Variants in ZNF423 observed in about 807,000 individuals in gnomAD.
ZNF423 encodes the protein Ebf-associated zinc finger protein.
A neutral mutation model predicts 95.8 loss-of-function variants in ZNF423; 12 were observed. The observed-to-expected ratio is 0.13, with a 90% confidence interval of 0.08 to 0.20. The LOEUF (loss-of-function observed/expected upper bound fraction) is 0.20, where lower values mean the gene tolerates loss of function less well. ZNF423 is among the 10% of genes least tolerant of loss of function. The pLI is 1.00. For missense variants in ZNF423, 1,316 were observed against 1,737.1 expected, an observed-to-expected ratio of 0.76 and a Z score of 4.31; for synonymous variants, 749 against 711.9, an observed-to-expected ratio of 1.05 and a Z score of -0.83.
At chr16:49,830,467 T>C (rs543519893) in intron 1 of ZNF423, among the ~76,000 whole-genome samples, 2 of 152,210 alleles carry the variant, frequency 1.3e-5, no homozygotes, top group East Asian at 1.9e-4. Context: ...TGCTTGAACA[T>C]CCCCAGATTC....
At chr16:49,793,801 T>G (rs958714727) in intron 1 of ZNF423, among the ~76,000 whole-genome samples, 3 of 152,038 alleles carry the variant, frequency 2.0e-5, no homozygotes, top group Non-Finnish European at 4.4e-5. Flanking sequence ...AAGGAGGGCA[T>G]GCAGGGTGGA....
At chr16:49,688,477 G>A (rs1328345790) in intron 3 of ZNF423, among the ~76,000 whole-genome samples, 1 of 152,162 alleles carries the variant, frequency 6.6e-6, no homozygotes, top group Non-Finnish European at 1.5e-5. Context: ...CCCGAGTGAC[G>A]GGAACCTTCA....
chr16:49,765,573 A>C (rs904119840), intron 2 of ZNF423, among the ~76,000 whole-genome samples: 3 of 151,812 alleles, frequency 2.0e-5, no homozygotes, highest in African/African-American at 4.8e-5. Context: ...AATATTAATT[A>C]GCTGGACATT....
chr16:49,670,783 GT>G (rs2030770661), intron 3 of ZNF423, among the ~76,000 whole-genome samples: 1 of 152,204 alleles, frequency 6.6e-6, no homozygotes, highest in Admixed American at 6.5e-5. Flanking sequence ...TAATTGCTGG[GT>G]TTTACAACCC....
chr16:49,504,158 GT>G (rs1323284926), intron 7 of ZNF423, among the ~76,000 whole-genome samples: 37 of 152,342 alleles, frequency 2.4e-4, no homozygotes, highest in African/African-American at 8.9e-4. Context: ...AGATGAAAAA[GT>G]TCTGGAGGTA....
intron 5 of ZNF423, among the ~76,000 whole-genome samples, chr16:49,581,502 T>G (rs1458370031): frequency 1.3e-5 from 2 of 152,216 alleles, no homozygotes; most frequent in Non-Finnish European, 2.9e-5. Context: ...GTTATAGGCA[T>G]TAACAGTTTT....
At chr16:49,515,417 G>T (rs1357743912) in intron 7 of ZNF423, among the ~76,000 whole-genome samples, 1 of 152,242 alleles carries the variant, frequency 6.6e-6, no homozygotes, top group Non-Finnish European at 1.5e-5. Context: ...CATATAAATG[G>T]CAATTTATTT....
chr16:49,632,013 A>T (rs1972521134), intron 4 of ZNF423, among the ~76,000 whole-genome samples: 1 of 152,152 alleles, frequency 6.6e-6, no homozygotes, highest in Non-Finnish European at 1.5e-5. Flanking sequence ...TGGGATCTGG[A>T]TAGGCCCTCT....
At chr16:49,729,325 C>T (rs943581692) in intron 3 of ZNF423, among the ~76,000 whole-genome samples, 2 of 152,126 alleles carry the variant, frequency 1.3e-5, no homozygotes, top group Admixed American at 1.3e-4. Flanking sequence ...AAGAAATATA[C>T]CAACATCTAT....
intron 5 of ZNF423, among the ~76,000 whole-genome samples, chr16:49,533,630 G>T (rs192224397): frequency 6.6e-6 from 1 of 152,188 alleles, no homozygotes; most frequent in African/African-American, 2.4e-5. Flanking sequence ...GGACAGCTCA[G>T]CGGACGGCCC....
At chr16:49,574,292 C>T (rs965287820) in intron 5 of ZNF423, among the ~76,000 whole-genome samples, 2 of 152,134 alleles carry the variant, frequency 1.3e-5, no homozygotes, top group South Asian at 2.1e-4. Flanking sequence ...AGCTGAGGCA[C>T]GAGGATCACT....
At chr16:49,628,503 G>T (rs11863481) in intron 4 of ZNF423, among the ~76,000 whole-genome samples, 11 of 147,930 alleles carry the variant, frequency 7.4e-5, no homozygotes, top group Non-Finnish European at 1.5e-4. Context: ...CTACCCATTC[G>T]TCCATCTACA....
chr16:49,684,095 G>C (rs150687948), intron 3 of ZNF423, among the ~76,000 whole-genome samples: 35 of 152,166 alleles, frequency 2.3e-4, no homozygotes, highest in African/African-American at 8.4e-4. Flanking sequence ...AAATAAATAA[G>C]AGCAGCTACA....
intron 5 of ZNF423, among the ~76,000 whole-genome samples, chr16:49,564,721 C>A (rs1970133360): frequency 6.6e-6 from 1 of 152,148 alleles, no homozygotes. Flanking sequence ...GTGGAAACAC[C>A]CAGATGTCCT....
chr16:49,690,722 A>C (rs1433700562), intron 3 of ZNF423, among the ~76,000 whole-genome samples: 3 of 152,170 alleles, frequency 2.0e-5, no homozygotes, highest in South Asian at 2.1e-4. Flanking sequence ...TCCATGCCCG[A>C]CAGGCGGTGC....
chr16:49,636,122 G>A lies in ZNF423; in HGVS notation c.3054C>T (p.His1018=), dbSNP rs761647283. ...EEEFIEHCQM[H]PDLRNSLTGF... Reference sequence around the variant, plus strand: ...CCGTGAGTGAGTTGCGCAGGTCAGGGTGCATCTGGCAGTGCTCAATAAACT... The same window carrying A: ...CCGTGAGTGAGTTGCGCAGGTCAGGATGCATCTGGCAGTGCTCAATAAACT... The change falls in exon 4 of 8, where the codon CAC becomes CAT. Residue 1018 remains histidine, a synonymous_variant. Coordinates refer to ENST00000563137, the MANE Select transcript of ZNF423 (RefSeq NM_001379286.1). The surrounding 1 kb of genome is among the most constrained non-coding windows in gnomAD (Gnocchi z 8.6). 1 of 1,613,914 alleles carries A rather than the reference G, an allele frequency of 6.2e-7. No individual in the cohort carries two copies. The highest frequency in any genetic ancestry group is 8.5e-7 in the Non-Finnish European group (1 of 1,180,032).
At chr16:49,838,060 G>A (rs551693410) in intron 1 of ZNF423, among the ~76,000 whole-genome samples, 1 of 152,362 alleles carries the variant, frequency 6.6e-6, no homozygotes, top group Admixed American at 6.5e-5. Context: ...TCCATCCAGT[G>A]AATGAATGAA....
At chr16:49,582,769 G>GA (rs201003582) in intron 5 of ZNF423, among the ~76,000 whole-genome samples, 1 of 152,064 alleles carries the variant, frequency 6.6e-6, no homozygotes, top group Non-Finnish European at 1.5e-5. Flanking sequence ...ACTTTTGGAT[G>GA]AAAAAACAAT....
intron 5 of ZNF423, among the ~76,000 whole-genome samples, chr16:49,538,048 T>C (rs1969115598): frequency 6.6e-6 from 1 of 152,220 alleles, no homozygotes; most frequent in Non-Finnish European, 1.5e-5. Context: ...GCCTAAGGTC[T>C]GGGCTGATCC....
Sources: allele counts gnomAD v4.1 joint callset (sites outside exome capture counted in the v4.1 genomes callset), GRCh38; gene constraint gnomAD v4.1.1; non-coding constraint Gnocchi (gnomAD v3.1); transcripts MANE v1.5; gene names NCBI Gene and HGNC (gene_info 2026-07-23, HGNC 2026-07-21).